Variants in CFB observed in about 807,000 individuals in gnomAD.
CFB encodes the protein complement factor B, also known as B-factor, properdin.
CFB carries 59 observed loss-of-function variants against 97.2 expected under a neutral mutation model. That is an observed-to-expected ratio of 0.61 (90% CI 0.49 to 0.75). The LOEUF (loss-of-function observed/expected upper bound fraction) is 0.75, where lower values mean the gene tolerates loss of function less well. Among genes scored for constraint, CFB ranks in the 30% least tolerant of loss-of-function variants. CFB has a pLI of 0.00. For synonymous variants in CFB, 316 were observed against 351.7 expected (o/e 0.90, Z 1.14); for missense variants, 771 against 959.8 (o/e 0.80, Z 2.60).
chr6:31,949,034 G>T (rs1771601612), intron 8 of CFB, 73 bp downstream of exon 8: 2 of 1,604,078 alleles, frequency 1.2e-6, no homozygotes, highest in East Asian at 2.2e-5. Flanking sequence ...AAGTCCACTT[G>T]TAACACTATA....
At position 31,947,399 on chromosome 6, in the gene CFB, G is replaced by A. The variant is rs1330205402; in HGVS notation, c.536G>A (p.Ser179Asn). 3.7e-6 allele frequency: 6 copies of A among 1,613,076 alleles called. No homozygotes were observed. The African/African-American group carries it at 5.3e-5, about 14-fold the overall frequency. The change falls in exon 4 of 18, where the codon AGC (serine) becomes AAC (asparagine). Residue 179 changes from serine (S) to asparagine (N), a missense_variant. Ser to Asn is a conservative substitution (Grantham distance 46). Transcript: ENST00000425368. The surrounding 1 kb of genome is among the most constrained non-coding windows in gnomAD (Gnocchi z 5.3). ...GIPIGTRKVGSQYRLEDSVTY... is the reference protein window; with the variant it reads ...GIPIGTRKVGNQYRLEDSVTY... ...CCCATTGGCACAAGGAAGGTGGGCAGCCAGTACCGCCTTGAAGACAGCGTC... is the reference window on the plus strand; with the variant it reads ...CCCATTGGCACAAGGAAGGTGGGCAACCAGTACCGCCTTGAAGACAGCGTC...
chr6:31,946,240 C>G lies in CFB; in HGVS notation c.19C>G (p.Pro7Ala), dbSNP rs777571264. Reference sequence around the variant, plus strand: ...CAACGCCATGGGGAGCAATCTCAGCCCCCAACTCTGCCTGATGCCCTTTAT... The same window carrying G: ...CAACGCCATGGGGAGCAATCTCAGCGCCCAACTCTGCCTGATGCCCTTTAT... Reference protein sequence around the residue: MGSNLSPQLCLMPFILG... With the variant: MGSNLSAQLCLMPFILG... Residue 7 changes from proline to alanine, a missense_variant, in exon 1 of 18, where the codon CCC becomes GCC. Physicochemically the swap from Pro to Ala is conservative, Grantham distance 27. Coordinates refer to ENST00000425368, the MANE Select transcript of CFB (RefSeq NM_001710.6). The surrounding 1 kb of genome is among the most constrained non-coding windows in gnomAD (Gnocchi z 6.4). 2 of 1,613,106 alleles carry G rather than the reference C, an allele frequency of 1.2e-6. No individual in the cohort carries two copies. The highest frequency in any genetic ancestry group is 1.7e-6 in the Non-Finnish European group (2 of 1,180,032).
At chr6:31,950,795 G>A (rs776433225) in intron 13 of CFB, 23 bp downstream of exon 13, 1 of 1,613,022 alleles carries the variant, frequency 6.2e-7, no homozygotes, top group Non-Finnish European at 8.5e-7. Context: ...AGATCCCTGA[G>A]GAAAGGCTGG....
Position 31,952,050 on chromosome 6 carries a change from G to T in CFB, c.*20G>T. ...CTATAAGGGGTTTCCTGCTGGACAG[G>T]GGCGTGGGATTGAATTAAAACAGCT... On this transcript the variant is annotated 3_prime_UTR_variant, in exon 18 of 18. Coordinates refer to ENST00000425368, the MANE Select transcript of CFB (RefSeq NM_001710.6). The T allele has an allele frequency of 1.2e-6, 2 of 1,611,954 alleles. No individual in the cohort carries two copies. The highest frequency in any genetic ancestry group is 1.7e-6 in the Non-Finnish European group (2 of 1,180,004).
At position 31,947,723 on chromosome 6, in the gene CFB, T is replaced by A. The variant is rs1190315548; in HGVS notation, c.659-19T>A. ...CCCTGACACTCCCAGACATTTGACCTCATTTCTGACTCTCCCAGACTCCTT... is the reference window on the plus strand; with the variant it reads ...CCCTGACACTCCCAGACATTTGACCACATTTCTGACTCTCCCAGACTCCTT... On this transcript the variant is annotated intron_variant, in intron 4 of 17. Coordinates refer to ENST00000425368, the MANE Select transcript of CFB (RefSeq NM_001710.6). This position sits in a 1 kb window ranked among gnomAD's most constrained non-coding sequence, Gnocchi z 5.3. 1.9e-6 allele frequency: 3 copies of A among 1,611,896 alleles called. No homozygotes were observed. Among genetic ancestry groups the A allele is most frequent in the African/African-American group, 1.3e-5 (1 of 74,894 alleles).
rs1424589872 is a variant in CFB at position 31,946,146 on chromosome 6, G to C, written c.-76G>C. ...TCTGGAGTTTCAGCTTGGACACTGA[G>C]CCAAGCAGACAAGCAAAGCAAGCCA... On this transcript the variant is annotated 5_prime_UTR_variant, in exon 1 of 18. Coordinates refer to ENST00000425368, the MANE Select transcript of CFB (RefSeq NM_001710.6). This position sits in a 1 kb window ranked among gnomAD's most constrained non-coding sequence, Gnocchi z 6.4. 1 of 1,488,884 alleles carries C rather than the reference G, an allele frequency of 6.7e-7. No homozygotes were observed. Among genetic ancestry groups the C allele is most frequent in the Non-Finnish European group, 9.4e-7 (1 of 1,067,904 alleles). The allele number at this position is 1,488,884 out of a possible 1,614,324, so 92.2% of individuals were successfully genotyped here.
rs772704242 is a variant in CFB at position 31,946,984 on chromosome 6, C to T, written c.299-23C>T. 8 of 1,612,698 alleles carry T rather than the reference C, an allele frequency of 5.0e-6. No individual in the cohort carries two copies. The South Asian group carries it at 7.7e-5, about 15-fold the overall frequency. On this transcript the variant is annotated intron_variant, in intron 2 of 17. Transcript: ENST00000425368. This position sits in a 1 kb window ranked among gnomAD's most constrained non-coding sequence, Gnocchi z 6.4. ...GGCAGCCTTTCCCTCTTGATGACTT[C>T]TACTTGTCCCCCCTTCTCAAAGCAA...
Position 31,946,568 on chromosome 6 carries a change from C to T in CFB, c.260C>T (p.Thr87Ile). ...ACGGGGTCCTGGAGCACCCTGAAGA[C>T]TCAAGACCAAAAGACTGTCAGGAAG... is the stretch of plus-strand genomic sequence containing the variant. ...RSTGSWSTLKTQDQKTVRKAE... is the reference protein window; with the variant it reads ...RSTGSWSTLKIQDQKTVRKAE... The change falls in exon 2 of 18, where the codon ACT becomes ATT. Residue 87 changes from threonine to isoleucine, a missense_variant. Physicochemically the swap from Thr to Ile is moderately conservative, Grantham distance 89 (BLOSUM62 -1). Transcript: ENST00000425368. This position sits in a 1 kb window ranked among gnomAD's most constrained non-coding sequence, Gnocchi z 6.4. 1 of 1,612,196 alleles carries T rather than the reference C, an allele frequency of 6.2e-7. No homozygotes were observed. The highest frequency in any genetic ancestry group is 8.5e-7 in the Non-Finnish European group (1 of 1,180,028).
At position 31,951,378 on chromosome 6, in the gene CFB, G is replaced by A. The variant is rs750379394; in HGVS notation, c.1994G>A (p.Gly665Asp). 2.5e-6 allele frequency: 4 copies of A among 1,614,158 alleles called. No individual in the cohort carries two copies. Among genetic ancestry groups the A allele is most frequent in the Non-Finnish European group, 3.4e-6 (4 of 1,180,044 alleles). ...SCERDAQYAP[G>D]YDKVKDISEV... ...GAGAGAGATGCTCAATATGCCCCAG[G>A]CTATGACAAAGTCAAGGACATCTCA... The change falls in exon 16 of 18, where the codon GGC (glycine) becomes GAC (aspartate). Residue 665 changes from glycine to aspartate, a missense_variant. Physicochemically the swap from Gly to Asp is moderately conservative, Grantham distance 94. Coordinates refer to ENST00000425368, the MANE Select transcript of CFB (RefSeq NM_001710.6). The surrounding 1 kb of genome is among the most constrained non-coding windows in gnomAD (Gnocchi z 4.3).
intron 7 of CFB, 151 bp from the exon 8 acceptor site, chr6:31,948,679 G>C (rs1213994830): frequency 6.7e-7 from 1 of 1,502,062 alleles, no homozygotes; most frequent in Non-Finnish European, 9.1e-7. Flanking sequence ...TTGGGGGCTG[G>C]AAGGGCCACT....
At position 31,951,176 on chromosome 6, in the gene CFB, G is replaced by A. The variant is rs1771738795; in HGVS notation, c.1888G>A (p.Ala630Thr). Reference protein sequence around the residue: ...EELLPAQDIKALFVSEEEKKL... With the variant: ...EELLPAQDIKTLFVSEEEKKL... ...GCTGCTCCCTGCACAGGATATCAAA[G>A]CTCTGTTTGTGTCTGAGGAGGAGAA... Residue 630 changes from alanine to threonine, a missense_variant, in exon 15 of 18, where the codon GCT (alanine) becomes ACT (threonine). Transcript: ENST00000425368. The surrounding 1 kb of genome is among the most constrained non-coding windows in gnomAD (Gnocchi z 4.3). 3.1e-6 allele frequency: 5 copies of A among 1,612,916 alleles called. No individual in the cohort carries two copies. Among genetic ancestry groups the A allele is most frequent in the Non-Finnish European group, 4.2e-6 (5 of 1,180,004 alleles).
At chr6:31,949,695 C>A in intron 10 of CFB, 138 bp downstream of exon 10, 1 of 1,081,208 alleles carries the variant, frequency 9.2e-7, no homozygotes, top group Non-Finnish European at 1.4e-6. Context: ...TGTCACTATT[C>A]TTGTTTCCTG....
rs751533475 is a variant in CFB, at chr6:31,946,711, C to A, written c.298+105C>A. The A allele has an allele frequency of 9.1e-5, 103 of 1,129,706 alleles. No homozygotes were observed. Among genetic ancestry groups the A allele is most frequent in the Non-Finnish European group, 1.2e-4 (96 of 773,152 alleles). The allele number at this position is 1,129,706 out of a possible 1,614,324, so 70.0% of individuals were successfully genotyped here. The stretch of plus-strand genomic sequence containing the variant: ...TAGGCAGGGTGACAAGGTGGGCTGA[C>A]CGGGAGTAGGAGCAGTTTTAGGGTG... On this transcript the variant is annotated intron_variant, in intron 2 of 17. Transcript: ENST00000425368. This position sits in a 1 kb window ranked among gnomAD's most constrained non-coding sequence, Gnocchi z 6.4.
intron 8 of CFB, 35 bp from the exon 9 acceptor site, chr6:31,949,208 T>C: frequency 6.2e-7 from 1 of 1,608,548 alleles, no homozygotes; most frequent in Non-Finnish European, 8.5e-7. Context: ...TTATCTTCCT[T>C]ATCTCCTACC....
rs968456482 is a variant in CFB, at chr6:31,951,794, C to G, written c.2140-81C>G. 1.2e-6 allele frequency: 2 copies of G among 1,606,102 alleles called. No individual in the cohort carries two copies. Among genetic ancestry groups the G allele is most frequent in the African/African-American group, 1.3e-5 (1 of 74,760 alleles). ...CCCTAGTCTGATTCCTTTAGGTCAG[C>G]TAAGACACAAGCAGGAACAGCCATG... On this transcript the variant is annotated intron_variant, in intron 17 of 17. Coordinates refer to ENST00000425368, the MANE Select transcript of CFB (RefSeq NM_001710.6). This position sits in a 1 kb window ranked among gnomAD's most constrained non-coding sequence, Gnocchi z 4.3.
rs1459187710 is a variant in CFB at position 31,951,935 on chromosome 6, G to A, written c.2200G>A (p.Val734Ile). ...VCKNQKRQKQ[V>I]PAHARDFHIN... ...CAAAAACCAGAAGCGGCAAAAGCAG[G>A]TACCTGCTCACGCCCGAGACTTTCA... The change falls in exon 18 of 18, where the codon GTA becomes ATA. Residue 734 changes from valine to isoleucine, a missense_variant. Physicochemically the swap from Val to Ile is conservative, Grantham distance 29. Coordinates refer to ENST00000425368, the MANE Select transcript of CFB (RefSeq NM_001710.6). The surrounding 1 kb of genome is among the most constrained non-coding windows in gnomAD (Gnocchi z 4.3). 2 of 1,613,012 alleles carry A rather than the reference G, an allele frequency of 1.2e-6. No individual in the cohort carries two copies. The highest frequency in any genetic ancestry group is 4.5e-5 in the East Asian group (2 of 44,900).
chr6:31,947,147 G>A lies in CFB; in HGVS notation c.439G>A (p.Val147Met). Residue 147 changes from valine to methionine, a missense_variant, in exon 3 of 18, where the codon GTG (valine) becomes ATG (methionine). Transcript: ENST00000425368. The surrounding 1 kb of genome is among the most constrained non-coding windows in gnomAD (Gnocchi z 5.3). ...LRGSANRTCQ[V>M]NGRWSGQTAI... ...GGGCTCTGCCAATCGCACCTGCCAA[G>A]TGAATGGCCGATGGAGTGGGCAGAC... The A allele has an allele frequency of 1.9e-6, 3 of 1,613,026 alleles. No individual in the cohort carries two copies. The highest frequency in any genetic ancestry group is 1.7e-6 in the Non-Finnish European group (2 of 1,180,042).
chr6:31,948,571 G>A, intron 7 of CFB, 59 bp downstream of exon 7: 2 of 1,609,562 alleles, frequency 1.2e-6, no homozygotes, highest in Non-Finnish European at 1.7e-6. Context: ...CAGGGTGGAG[G>A]GGGTCATGAG....
chr6:31,951,114 C>G lies in CFB; in HGVS notation c.1856-30C>G, dbSNP rs1040103743. ...AATGGGGAGATGACAGTGGTGGGAG[C>G]AGCTGAAGTGACGCAGTCTATTCGT... is the stretch of plus-strand genomic sequence containing the variant. On this transcript the variant is annotated intron_variant, in intron 14 of 17. Transcript: ENST00000425368. This position sits in a 1 kb window ranked among gnomAD's most constrained non-coding sequence, Gnocchi z 4.3. The G allele has an allele frequency of 1.2e-6, 2 of 1,605,688 alleles. No homozygotes were observed. Among genetic ancestry groups the G allele is most frequent in the African/African-American group, 2.7e-5 (2 of 74,752 alleles).
Sources: allele counts gnomAD v4.1 joint callset, GRCh38; gene constraint gnomAD v4.1.1; non-coding constraint Gnocchi (gnomAD v3.1); transcripts MANE v1.5; gene names NCBI Gene and HGNC (gene_info 2026-07-23, HGNC 2026-07-21).